ADAMTS3: variants seen among roughly 807,000 people sequenced by gnomAD.
The protein encoded by ADAMTS3 is ADAM metallopeptidase with thrombospondin type 1 motif 3, also known as A disintegrin and metalloproteinase with thrombospondin motifs 3.
ADAMTS3 carries 73 observed loss-of-function variants against 129.0 expected under a neutral mutation model. The ratio of observed to expected loss-of-function variants is 0.57; its 90% confidence interval spans 0.47 to 0.69. The LOEUF is 0.69. Ranked by LOEUF, ADAMTS3 falls within the 30% of genes least tolerant of loss-of-function variation. ADAMTS3 has a pLI of 0.00. For missense variants in ADAMTS3, 1,457 were observed against 1,514.5 expected, an observed-to-expected ratio of 0.96 and a Z score of 0.63; for synonymous variants, 477 against 510.8, an observed-to-expected ratio of 0.93 and a Z score of 0.89.
chr4:72,483,337 G>A (rs1047769875), intron 3 of ADAMTS3, among the ~76,000 whole-genome samples: 9 of 152,126 alleles, frequency 5.9e-5, no homozygotes, highest in Non-Finnish European at 1.0e-4. Context: ...ATTTCATTTT[G>A]TCTAAGTTAT....
chr4:72,389,899 C>T (rs1376237620), intron 4 of ADAMTS3, among the ~76,000 whole-genome samples: 1 of 128,724 alleles, frequency 7.8e-6, no homozygotes, highest in African/African-American at 2.5e-5. Flanking sequence ...TTACAATTCA[C>T]TTATATTTTT....
intron 5 of ADAMTS3, among the ~76,000 whole-genome samples, chr4:72,336,104 T>C (rs1719981492): frequency 6.6e-6 from 1 of 152,178 alleles, no homozygotes; most frequent in Non-Finnish European, 1.5e-5. Flanking sequence ...GAAATGAAAT[T>C]GACAACCAGG....
At chr4:72,317,770 G>A (rs1719437630) in intron 10 of ADAMTS3, among the ~76,000 whole-genome samples, 1 of 152,150 alleles carries the variant, frequency 6.6e-6, no homozygotes, top group Non-Finnish European at 1.5e-5. Flanking sequence ...GCTCACGCCT[G>A]TAATCCCAGA....
At chr4:72,463,799 A>C (rs1376739573) in intron 3 of ADAMTS3, among the ~76,000 whole-genome samples, 1 of 151,430 alleles carries the variant, frequency 6.6e-6, no homozygotes. Flanking sequence ...TAACTTGTCC[A>C]GTTACAGGTG....
chr4:72,467,913 A>G (rs1369766862), intron 3 of ADAMTS3, among the ~76,000 whole-genome samples: 1 of 152,072 alleles, frequency 6.6e-6, no homozygotes, highest in Non-Finnish European at 1.5e-5. Context: ...TAATCCAATT[A>G]TATAGAGCAG....
chr4:72,543,268 A>G (rs986922510), intron 3 of ADAMTS3, among the ~76,000 whole-genome samples: 10 of 152,166 alleles, frequency 6.6e-5, no homozygotes, highest in African/African-American at 9.7e-5. Flanking sequence ...CAGTGTAAAG[A>G]TGAACTAATA....
intron 3 of ADAMTS3, among the ~76,000 whole-genome samples, chr4:72,436,562 T>C (rs1717931881): frequency 6.6e-6 from 1 of 152,082 alleles, no homozygotes; most frequent in South Asian, 2.1e-4. Flanking sequence ...CACACGTATG[T>C]TTATTGCGGC....
chr4:72,365,817 GA>G (rs1253185594), intron 4 of ADAMTS3, among the ~76,000 whole-genome samples: 2 of 152,170 alleles, frequency 1.3e-5, no homozygotes, highest in African/African-American at 2.4e-5. Context: ...GATGTGTGGG[GA>G]AAAATAAATT....
At chr4:72,532,491 G>GCACACACACA (rs35399046) in intron 3 of ADAMTS3, among the ~76,000 whole-genome samples, 32 of 148,792 alleles carry the variant, frequency 2.2e-4, no homozygotes, top group African/African-American at 7.9e-4. Context: ...AATTTAATAT[G>GCACACACACA]CACACACACA....
intron 4 of ADAMTS3, among the ~76,000 whole-genome samples, chr4:72,408,284 G>C (rs1722100561): frequency 1.3e-5 from 2 of 152,060 alleles, no homozygotes; most frequent in South Asian, 4.2e-4. Flanking sequence ...ATGCCCGGTA[G>C]AAGACTCATA....
At chr4:72,303,279 A>T (rs949739099) in intron 17 of ADAMTS3, among the ~76,000 whole-genome samples, 1 of 151,916 alleles carries the variant, frequency 6.6e-6, no homozygotes, top group African/African-American at 2.4e-5. Context: ...GCCTAGCCCA[A>T]ATAAAGTGTG....
intron 10 of ADAMTS3, 104 bp downstream of exon 10, chr4:72,318,468 A>T (rs1719457652): frequency 5.8e-6 from 7 of 1,211,910 alleles, no homozygotes; most frequent in Non-Finnish European, 8.1e-6. Context: ...AATAACTGCT[A>T]GATATTATTA....
intron 3 of ADAMTS3, among the ~76,000 whole-genome samples, chr4:72,546,729 A>T (rs1721477047): frequency 6.6e-6 from 1 of 152,198 alleles, no homozygotes; most frequent in Non-Finnish European, 1.5e-5. Flanking sequence ...ACCACAAAAT[A>T]TGATTGTGAG....
rs143404760 is a variant in ADAMTS3, at chr4:72,287,090, C to A, written c.3049+1661G>T. Among the ~76,000 whole-genome samples the A allele has an allele frequency of 2.3e-3, 346 of 151,870 alleles. 3 individuals are homozygous for A. Among genetic ancestry groups the A allele is most frequent in the African/African-American group, 8.1e-3 (335 of 41,408 alleles). ...AGGTGACTAGGCCATCAGGGTGGAGCGCTTATGAATGCAATTCATGCCCTT... is the reference window on the plus strand; with the variant it reads ...AGGTGACTAGGCCATCAGGGTGGAGAGCTTATGAATGCAATTCATGCCCTT... On this transcript the variant is annotated intron_variant, in intron 21 of 21. Coordinates refer to ENST00000286657, the MANE Select transcript of ADAMTS3 (RefSeq NM_014243.3).
At chr4:72,451,374 C>A (rs953141493) in intron 3 of ADAMTS3, among the ~76,000 whole-genome samples, 2 of 151,754 alleles carry the variant, frequency 1.3e-5, no homozygotes, top group African/African-American at 4.8e-5. Context: ...TGTCTGAGGT[C>A]ATTTCTTACT....
intron 3 of ADAMTS3, among the ~76,000 whole-genome samples, chr4:72,525,588 CG>C (rs1720785579): frequency 6.6e-6 from 1 of 152,144 alleles, no homozygotes; most frequent in African/African-American, 2.4e-5. Context: ...CAAGATGAAA[CG>C]TAAGTAAAAC....
intron 4 of ADAMTS3, among the ~76,000 whole-genome samples, chr4:72,379,552 A>C (rs972491635): frequency 3.3e-5 from 5 of 152,194 alleles, no homozygotes; most frequent in Non-Finnish European, 5.9e-5. Context: ...AGTTCAAGTC[A>C]ATCATAGAGC....
rs1260911031 is a variant in ADAMTS3 at position 72,306,006 on chromosome 4, C to T, written c.2241G>A (p.Glu747=). Residue 747 remains glutamate (E), a synonymous_variant, in exon 16 of 22, where the codon GAG becomes GAA. Coordinates refer to ENST00000286657, the MANE Select transcript of ADAMTS3 (RefSeq NM_014243.3). ...GARHVLIQED[E]ASPHILAIKN... Reference sequence around the variant, plus strand: ...ACTTACCAAGAATATGAGGAGAAGCCTCGTCTTCTTGGATTAACACATGTC... The same window carrying T: ...ACTTACCAAGAATATGAGGAGAAGCTTCGTCTTCTTGGATTAACACATGTC... The T allele has an allele frequency of 6.2e-7, 1 of 1,611,532 alleles. No homozygotes were observed. Among genetic ancestry groups the T allele is most frequent in the Non-Finnish European group, 8.5e-7 (1 of 1,178,650 alleles).
At chr4:72,533,673 A>ATATGTATATATACATATTTATG (rs1164175826) in intron 3 of ADAMTS3, among the ~76,000 whole-genome samples, 1 of 151,372 alleles carries the variant, frequency 6.6e-6, no homozygotes. Context: ...GTATATGCAC[A>ATATGTATATATACATATTTATG]TATATGCACA....
Sources: allele counts gnomAD v4.1 joint callset (sites outside exome capture counted in the v4.1 genomes callset), GRCh38; gene constraint gnomAD v4.1.1; transcripts MANE v1.5; gene names NCBI Gene and HGNC (gene_info 2026-07-23, HGNC 2026-07-21).